Variants in SLC25A27 observed in about 807,000 individuals in gnomAD.
SLC25A27 encodes solute carrier family 25 member 27, also known as mitochondrial uncoupling protein 4.
Under a neutral mutation model 49.1 loss-of-function variants are expected in SLC25A27, and 35 were observed. The observed-to-expected ratio is 0.71, with a 90% CI of 0.54 to 0.95. SLC25A27 has a LOEUF of 0.95. Ranked by LOEUF, SLC25A27 falls within the 40% of genes least tolerant of loss-of-function variation. The probability of loss-of-function intolerance (pLI) is 0.00; values close to 1 mark genes in which losing one functional copy is unlikely to be tolerated. For synonymous variants in SLC25A27, 144 were observed against 136.9 expected, an observed-to-expected ratio of 1.05 and a Z score of -0.36; for missense variants, 339 against 397.1, an observed-to-expected ratio of 0.85 and a Z score of 1.24.
At chr6:46,653,578 C>G (rs1762849340) in intron 1 of SLC25A27, 1 of 985,424 alleles carries the variant, frequency 1.0e-6, no homozygotes. Context: ...TGTCATTCCT[C>G]TGTAGGAATC....
intron 3 of SLC25A27, among the ~76,000 whole-genome samples, chr6:46,661,376 T>TA (rs1763157773): frequency 6.6e-6 from 1 of 152,122 alleles, no homozygotes; most frequent in African/African-American, 2.4e-5. Flanking sequence ...TCAAATTTCT[T>TA]AAAGTTATGT....
In SLC25A27 at chr6:46,676,677, A is replaced by G. The variant is rs202152851; in HGVS notation, c.*223A>G. 4 of 1,550,722 alleles carry G rather than the reference A, an allele frequency of 2.6e-6. No homozygotes were observed. The highest frequency in any genetic ancestry group is 1.7e-4 in the Middle Eastern group (1 of 5,994). On this transcript the variant is annotated 3_prime_UTR_variant, in exon 9 of 9. Transcript: ENST00000371347. Reference sequence around the variant, plus strand: ...TGGTCGGATCTCACAAGGCCATCCAATGAGACCCCGCACAGCATTTTCTAA... The same window carrying G: ...TGGTCGGATCTCACAAGGCCATCCAGTGAGACCCCGCACAGCATTTTCTAA...
chr6:46,655,376 C>G (rs1487208165), intron 1 of SLC25A27, among the ~76,000 whole-genome samples: 1 of 152,030 alleles, frequency 6.6e-6, no homozygotes. Context: ...CATTAGATCT[C>G]AAATAATCAT....
intron 6 of SLC25A27, among the ~76,000 whole-genome samples, chr6:46,669,665 C>A (rs974640271): frequency 2.0e-5 from 3 of 152,146 alleles, no homozygotes; most frequent in African/African-American, 7.2e-5. Context: ...ACTGTTCTAT[C>A]TTCTTGTAAC....
At chr6:46,671,806 T>C (rs1763556768) in intron 8 of SLC25A27, among the ~76,000 whole-genome samples, 1 of 151,980 alleles carries the variant, frequency 6.6e-6, no homozygotes, top group Non-Finnish European at 1.5e-5. Flanking sequence ...TTCTATAATG[T>C]AGAATTAGAT....
chr6:46,668,369 C>T (rs749923499), intron 5 of SLC25A27, among the ~76,000 whole-genome samples: 1 of 152,142 alleles, frequency 6.6e-6, no homozygotes, highest in Non-Finnish European at 1.5e-5. Flanking sequence ...GAATAATAGT[C>T]AGGACCTTTT....
intron 4 of SLC25A27, among the ~76,000 whole-genome samples, chr6:46,663,909 T>C (rs1238603070): frequency 6.6e-6 from 1 of 152,214 alleles, no homozygotes; most frequent in Non-Finnish European, 1.5e-5. Flanking sequence ...GAATTTTCAG[T>C]ATTAACATGC....
At chr6:46,660,230 C>CTGTGTGTGTGTGTGTG (rs140354056) in intron 3 of SLC25A27, among the ~76,000 whole-genome samples, 11,793 of 147,260 alleles carry the variant, frequency 0.08, 523 homozygotes, top group Admixed American at 0.13. Context: ...ACCTCTGTGT[C>CTGTGTGTGTGTGTGTG]TGTGTGTGTG....
chr6:46,668,619 G>A, intron 5 of SLC25A27, 90 bp from the exon 6 acceptor site: 1 of 746,364 alleles, frequency 1.3e-6, no homozygotes, highest in African/African-American at 1.7e-5. Flanking sequence ...TTTCATCCTG[G>A]TACACATTCC....
At chr6:46,671,847 T>TA (rs1328368548) in intron 8 of SLC25A27, among the ~76,000 whole-genome samples, 1 of 151,924 alleles carries the variant, frequency 6.6e-6, no homozygotes, top group East Asian at 1.9e-4. Context: ...GCAAATATAA[T>TA]AAAAACAAAG....
chr6:46,653,496 A>G (rs999176774), intron 1 of SLC25A27, 198 bp downstream of exon 1: 2 of 985,432 alleles, frequency 2.0e-6, no homozygotes, highest in South Asian at 9.4e-5. Flanking sequence ...TTTTCCTTCT[A>G]ATCTCTTCTA....
intron 6 of SLC25A27, 63 bp downstream of exon 6, chr6:46,668,856 A>T: frequency 2.1e-6 from 2 of 954,010 alleles, no homozygotes; most frequent in Non-Finnish European, 3.4e-6. Context: ...TCCATATTTG[A>T]CATAAATTCT....
chr6:46,658,489 A>G (rs1763059989), intron 2 of SLC25A27: 1 of 447,164 alleles, frequency 2.2e-6, no homozygotes, highest in Non-Finnish European at 4.5e-6. Context: ...CAATGAAATT[A>G]TGTATCTTTA....
In SLC25A27 at chr6:46,676,441, T is replaced by G. The variant is rs749096343; in HGVS notation, c.959T>G (p.Val320Gly). 6 of 1,613,750 alleles carry G rather than the reference T, an allele frequency of 3.7e-6. No individual in the cohort carries two copies. Among genetic ancestry groups the G allele is most frequent in the Non-Finnish European group, 5.1e-6 (6 of 1,179,772 alleles). The part of the protein sequence containing the change: ...TYEKIREMSG[V>G]SPF Reference sequence around the variant, plus strand: ...GAAAAAATCAGAGAGATGAGTGGAGTCAGTCCATTTTAAACCCCTAAAGAT... The same window carrying G: ...GAAAAAATCAGAGAGATGAGTGGAGGCAGTCCATTTTAAACCCCTAAAGAT... The change falls in exon 9 of 9, where the codon GTC (valine) becomes GGC (glycine). Residue 320 changes from valine (V) to glycine (G), a missense_variant. By Grantham distance (109) the Val-to-Gly change is moderately radical. Transcript: ENST00000371347.
At chr6:46,673,477 A>G (rs1293485902) in intron 8 of SLC25A27, among the ~76,000 whole-genome samples, 1 of 152,172 alleles carries the variant, frequency 6.6e-6, no homozygotes, top group Non-Finnish European at 1.5e-5. Context: ...CAGATAGTGG[A>G]GTGGAAATGG....
At position 46,668,917 on chromosome 6, in the gene SLC25A27, C is replaced by T. The variant is rs955774713; in HGVS notation, c.704+124C>T. Reference sequence around the variant, plus strand: ...CTGGCATCACCTTTAGAGAAGAGTACATTTATAAAGAGAAATTTCTTAAAG... The same window carrying T: ...CTGGCATCACCTTTAGAGAAGAGTATATTTATAAAGAGAAATTTCTTAAAG... On this transcript the variant is annotated intron_variant, in intron 6 of 8. Transcript: ENST00000371347. 4 of 561,634 alleles carry T rather than the reference C, an allele frequency of 7.1e-6. No homozygotes were observed. In the African/African-American group the frequency reaches 7.7e-5, roughly 11 times the overall value. The allele number at this position is 561,634 out of a possible 1,614,324, so 34.8% of individuals were successfully genotyped here. A position where few individuals can be genotyped will look rare whatever the true frequency, so the allele number is the denominator to read the frequency against.
At chr6:46,672,072 A>G (rs1015118817) in intron 8 of SLC25A27, among the ~76,000 whole-genome samples, 7 of 152,200 alleles carry the variant, frequency 4.6e-5, no homozygotes, top group African/African-American at 1.4e-4. Context: ...ATGTTATGGG[A>G]AGAGTGCATA....
chr6:46,662,284 C>G (rs1458563954), intron 3 of SLC25A27, 92 bp from the exon 4 acceptor site: 1 of 1,108,636 alleles, frequency 9.0e-7, no homozygotes, highest in African/African-American at 1.6e-5. Context: ...TCTGAAATCT[C>G]TTACCTAGGC....
chr6:46,653,767 A>G (rs1762859600), intron 1 of SLC25A27: 2 of 984,794 alleles, frequency 2.0e-6, no homozygotes, highest in African/African-American at 1.7e-5. Context: ...AGCATCGACT[A>G]CTTGACCTCT....
Sources: allele counts gnomAD v4.1 joint callset (sites outside exome capture counted in the v4.1 genomes callset), GRCh38; gene constraint gnomAD v4.1.1; transcripts MANE v1.5; gene names NCBI Gene and HGNC (gene_info 2026-07-23, HGNC 2026-07-21).